The following PARD3 variants were observed in gnomAD, a reference collection of about 807,000 sequenced individuals.
PARD3 encodes partitioning defective 3 homolog.
PARD3 carries 75 observed loss-of-function variants against 155.4 expected under a neutral mutation model. That is an observed-to-expected ratio of 0.48 (90% CI 0.40 to 0.58). The LOEUF (loss-of-function observed/expected upper bound fraction) is 0.58, where lower values mean the gene tolerates loss of function less well. Ranked by LOEUF, PARD3 falls within the 20% of genes least tolerant of loss-of-function variation. The pLI, the probability that PARD3 is intolerant of heterozygous loss-of-function variation, is 0.00. For missense variants in PARD3, 1,642 were observed against 1,721.7 expected (o/e 0.95, Z 0.82); for synonymous variants, 576 against 610.5 (o/e 0.94, Z 0.83).
chr10:34,482,546 C>T (rs952110735), intron 3 of PARD3, among the ~76,000 whole-genome samples: 1 of 147,888 alleles, frequency 6.8e-6, no homozygotes, highest in African/African-American at 2.7e-5. Flanking sequence ...AGGTAAAAGG[C>T]AAATGTTAGT....
At position 34,617,671 on chromosome 10, in the gene PARD3, CA is replaced by C. The variant is rs144218631; in HGVS notation, c.222+78646del. ...TATAGATAACACAGTATTTGGTCCA[CA>C]AGACCACAACCAAGTGATTATTTCT... is the stretch of plus-strand genomic sequence containing the variant. On this transcript the variant is annotated intron_variant, in intron 2 of 24. Transcript: ENST00000374788. 8.2e-3 allele frequency among the ~76,000 whole-genome samples: 1,241 copies of C among 152,234 alleles called. 16 individuals are homozygous for C. The highest frequency in any genetic ancestry group is 0.028 in the African/African-American group (1,179 of 41,548).
At chr10:34,799,577 T>C (rs1396941387) in intron 1 of PARD3, among the ~76,000 whole-genome samples, 1 of 152,162 alleles carries the variant, frequency 6.6e-6, no homozygotes, top group Non-Finnish European at 1.5e-5. Flanking sequence ...GAAAAAACCC[T>C]GTTCTTCTCC....
chr10:34,482,751 G>A lies in PARD3; in HGVS notation c.404-12488C>T, dbSNP rs535754505. 4.1e-4 allele frequency among the ~76,000 whole-genome samples: 62 copies of A among 152,102 alleles called. No individual in the cohort carries two copies. In the South Asian group the frequency reaches 0.013, roughly 32 times the overall value. Reference sequence around the variant, plus strand: ...TGAGGAGATTGAAGCTGAGACCAGGGGAATATAAGGTGGAAAGAAACTGAG... The same window carrying A: ...TGAGGAGATTGAAGCTGAGACCAGGAGAATATAAGGTGGAAAGAAACTGAG... On this transcript the variant is annotated intron_variant, in intron 3 of 24. Transcript: ENST00000374788.
At chr10:34,191,279 G>C (rs1303582079) in intron 22 of PARD3, among the ~76,000 whole-genome samples, 1 of 152,012 alleles carries the variant, frequency 6.6e-6, no homozygotes, top group East Asian at 2.0e-4. Flanking sequence ...CCACTATAGA[G>C]GAAAGTTATA....
chr10:34,131,678 C>G, intron 22 of PARD3, 95 bp from the exon 23 acceptor site: 1 of 1,091,718 alleles, frequency 9.2e-7, no homozygotes, highest in South Asian at 1.4e-5. Flanking sequence ...TGTGAAATGA[C>G]GCCATTTAAG....
At chr10:34,303,872 A>G (rs1957273913) in intron 20 of PARD3, among the ~76,000 whole-genome samples, 1 of 152,176 alleles carries the variant, frequency 6.6e-6, no homozygotes, top group Non-Finnish European at 1.5e-5. Context: ...AAAAACTGCT[A>G]ACACAGTCTG....
At chr10:34,354,295 G>A (rs963384530) in intron 14 of PARD3, among the ~76,000 whole-genome samples, 30 of 151,748 alleles carry the variant, frequency 2.0e-4, no homozygotes, top group African/African-American at 6.1e-4. Flanking sequence ...GGAGAATGGC[G>A]TGAACCCGGG....
intron 23 of PARD3, among the ~76,000 whole-genome samples, chr10:34,129,700 C>CTT (rs1209547388): frequency 0.28 from 23,209 of 82,110 alleles, 3,227 homozygotes; most frequent in Non-Finnish European, 0.4. Flanking sequence ...TGTCAAGCCT[C>CTT]TTTTTTTTTT....
chr10:34,563,099 AT>A (rs1379474602), intron 2 of PARD3, among the ~76,000 whole-genome samples: 1 of 152,130 alleles, frequency 6.6e-6, no homozygotes, highest in African/African-American at 2.4e-5. Context: ...AAACAAATCC[AT>A]TTTTCTAATT....
At chr10:34,753,387 C>T (rs1836308962) in intron 1 of PARD3, among the ~76,000 whole-genome samples, 1 of 152,214 alleles carries the variant, frequency 6.6e-6, no homozygotes, top group East Asian at 1.9e-4. Context: ...TGGAAGACAC[C>T]AATTCATTTC....
intron 23 of PARD3, among the ~76,000 whole-genome samples, chr10:34,129,406 A>G (rs913520732): frequency 6.6e-6 from 1 of 151,876 alleles, no homozygotes; most frequent in African/African-American, 2.4e-5. Flanking sequence ...GCCCACCTTG[A>G]CCTCGCAAAG....
intron 1 of PARD3, among the ~76,000 whole-genome samples, chr10:34,748,332 T>C (rs1564575662): frequency 6.6e-6 from 1 of 152,072 alleles, no homozygotes; most frequent in South Asian, 2.1e-4. Flanking sequence ...TAGCTGGGTG[T>C]GGTGGCGTGC....
chr10:34,501,083 T>G (rs2080667596), intron 3 of PARD3, among the ~76,000 whole-genome samples: 1 of 152,206 alleles, frequency 6.6e-6, no homozygotes, highest in South Asian at 2.1e-4. Context: ...TGTACAAATA[T>G]TGCCCCATAT....
At chr10:34,268,499 T>C (rs1314618877) in intron 22 of PARD3, among the ~76,000 whole-genome samples, 1 of 148,580 alleles carries the variant, frequency 6.7e-6, no homozygotes, top group Non-Finnish European at 1.5e-5. Flanking sequence ...TGCGGCACTA[T>C]TCACAATAGC....
intron 22 of PARD3, among the ~76,000 whole-genome samples, chr10:34,158,458 G>A (rs1252921776): frequency 2.0e-5 from 3 of 152,166 alleles, no homozygotes; most frequent in Admixed American, 2.0e-4. Flanking sequence ...TGTGGCTAAG[G>A]CTAGGGTGAA....
chr10:34,761,398 G>A (rs977359798), intron 1 of PARD3, among the ~76,000 whole-genome samples: 5 of 152,102 alleles, frequency 3.3e-5, no homozygotes, highest in Admixed American at 2.6e-4. Flanking sequence ...GTAACACAGC[G>A]AGACTCTGTC....
intron 22 of PARD3, among the ~76,000 whole-genome samples, chr10:34,200,049 T>C (rs1426093865): frequency 6.6e-6 from 1 of 152,236 alleles, no homozygotes; most frequent in Non-Finnish European, 1.5e-5. Flanking sequence ...TGGATTTTTA[T>C]AAATGAACTA....
chr10:34,813,719 C>G (rs1844513082), intron 1 of PARD3, among the ~76,000 whole-genome samples: 1 of 152,130 alleles, frequency 6.6e-6, no homozygotes, highest in South Asian at 2.1e-4. Flanking sequence ...ACCGGAGTAC[C>G]CTGTGTACGC....
chr10:34,341,482 T>C lies in PARD3; in HGVS notation c.2408+145A>G, dbSNP rs1028080056. The stretch of plus-strand genomic sequence containing the variant: ...AAATTTACAGAGTTCGGGTATAATC[T>C]TTTATTATAAGAGTGATAAGTATAT... On this transcript the variant is annotated intron_variant, in intron 16 of 24. Transcript: ENST00000374788. The C allele has an allele frequency of 4.2e-4, 226 of 540,548 alleles. 1 individual carries two copies. The highest frequency in any genetic ancestry group is 9.2e-5 in the Non-Finnish European group (30 of 324,884). The allele number at this position is 540,548 out of a possible 1,614,324, so 33.5% of individuals were successfully genotyped here.
Sources: gnomAD v4.1 joint callset for allele counts (sites outside exome capture counted in the v4.1 genomes callset) on GRCh38, gnomAD v4.1.1 for gene constraint, MANE v1.5 for transcripts, NCBI Gene and HGNC (gene_info 2026-07-23, HGNC 2026-07-21) for gene names.